Variants in DUSP10 observed in about 807,000 individuals in gnomAD.
DUSP10 encodes dual specificity protein phosphatase 10.
DUSP10 carries 14 observed loss-of-function variants against 30.8 expected under a neutral mutation model. The ratio of observed to expected loss-of-function variants is 0.46; its 90% CI spans 0.30 to 0.71. The LOEUF is 0.71. Among genes scored for constraint, DUSP10 ranks in the 30% least tolerant of loss-of-function variants. The pLI, the probability that DUSP10 is intolerant of heterozygous loss-of-function variation, is 0.08. For synonymous variants in DUSP10, 254 were observed against 250.4 expected (o/e 1.01, Z -0.14); for missense variants, 550 against 619.4 (o/e 0.89, Z 1.19).
At position 221,702,628 on chromosome 1, in the gene DUSP10, C is replaced by T; in HGVS notation, c.1233G>A (p.Gly411=). The change falls in exon 4 of 4, where the codon GGG becomes GGA. Residue 411 remains glycine (G), a synonymous_variant. Transcript: ENST00000366899. This position sits in a 1 kb window ranked among gnomAD's most constrained non-coding sequence, Gnocchi z 4.5. ...GKGLLIHCQA[G]VSRSATIVIA... ...TGACGATGGTGGCGGAGCGGGACAC[C>T]CCAGCCTGGCAGTGGATGAGAAGCC... The T allele has an allele frequency of 1.9e-6, 3 of 1,614,086 alleles. No homozygotes were observed. The highest frequency in any genetic ancestry group is 2.5e-6 in the Non-Finnish European group (3 of 1,180,012).
chr1:221,723,116 CAT>C (rs1184495309), intron 2 of DUSP10, among the ~76,000 whole-genome samples: 2 of 152,162 alleles, frequency 1.3e-5, no homozygotes, highest in African/African-American at 4.8e-5. Context: ...GGGGCCAACA[CAT>C]ATGTTTGTCA....
chr1:221,708,336 G>A (rs571051795), intron 2 of DUSP10, among the ~76,000 whole-genome samples: 7 of 152,244 alleles, frequency 4.6e-5, no homozygotes, highest in South Asian at 2.1e-4. Context: ...AAACCACAGC[G>A]GGAAACTCCA....
At chr1:221,723,290 G>T (rs2102636662) in intron 2 of DUSP10, among the ~76,000 whole-genome samples, 1 of 152,324 alleles carries the variant, frequency 6.6e-6, no homozygotes, top group East Asian at 1.9e-4. Context: ...AGTCTAGAAT[G>T]CAAATGGCCA....
chr1:221,712,469 G>C (rs1310830629), intron 2 of DUSP10, among the ~76,000 whole-genome samples: 1 of 152,088 alleles, frequency 6.6e-6, no homozygotes, highest in African/African-American at 2.4e-5. Flanking sequence ...AAACCAGTGT[G>C]GTCTGGCTTA....
rs1354609569 is a variant in DUSP10 at position 221,739,364 on chromosome 1, TAGAG to T, written c.377_380del (p.Ser126Ter). 6.2e-7 allele frequency: 1 copy of T among 1,613,982 alleles called. No individual in the cohort carries two copies. The highest frequency in any genetic ancestry group is 8.5e-7 in the Non-Finnish European group (1 of 1,179,998). On this transcript the variant is annotated frameshift_variant, in exon 2 of 4. Coordinates refer to ENST00000366899, the MANE Select transcript of DUSP10 (RefSeq NM_007207.6). LOFTEE classifies it high-confidence loss of function. ...GGCTGCCCACCCCACTTGATGGACT[TAGAG>T]AGCCTGTATTCTCATTATTGTTGAC...
intron 2 of DUSP10, among the ~76,000 whole-genome samples, chr1:221,736,313 T>G (rs999123470): frequency 3.3e-5 from 5 of 152,148 alleles, no homozygotes; most frequent in African/African-American, 1.2e-4. Flanking sequence ...TACCCAAGAT[T>G]GTACTGAAAT....
At position 221,706,596 on chromosome 1, in the gene DUSP10, A is replaced by G; in HGVS notation, c.812-130T>C. The G allele has an allele frequency of 1.7e-6, 1 of 603,598 alleles. No individual in the cohort carries two copies. Among genetic ancestry groups the G allele is most frequent in the Non-Finnish European group, 2.5e-6 (1 of 398,612 alleles). 37.4% of individuals were successfully genotyped at this position (603,598 alleles called of 1,614,324 possible). ...AAATACATATATAAATATGTATTTA[A>G]GCAAAAAAAATAAAAATAAAAATAA... On this transcript the variant is annotated intron_variant, in intron 2 of 3. Transcript: ENST00000366899. The surrounding 1 kb of genome is among the most constrained non-coding windows in gnomAD (Gnocchi z 4.6).
intron 2 of DUSP10, among the ~76,000 whole-genome samples, chr1:221,721,222 C>T (rs1661269657): frequency 6.6e-6 from 1 of 152,200 alleles, no homozygotes; most frequent in African/African-American, 2.4e-5. Context: ...TTTTTAGATT[C>T]ATTGAACACT....
intron 2 of DUSP10, among the ~76,000 whole-genome samples, chr1:221,712,857 T>C (rs966158719): frequency 3.3e-5 from 5 of 151,338 alleles, no homozygotes; most frequent in African/African-American, 1.2e-4. Flanking sequence ...GTGTGACTTT[T>C]TGAAAGTTAT....
intron 1 of DUSP10, among the ~76,000 whole-genome samples, chr1:221,741,375 C>A (rs1352693567): frequency 1.3e-5 from 2 of 152,148 alleles, no homozygotes; most frequent in Non-Finnish European, 2.9e-5. Flanking sequence ...TTCACAGAGA[C>A]ACGCGCTGGG....
chr1:221,720,691 C>T (rs1571819785), intron 2 of DUSP10, among the ~76,000 whole-genome samples: 1 of 152,124 alleles, frequency 6.6e-6, no homozygotes, highest in African/African-American at 2.4e-5. Context: ...GGCATAAATC[C>T]ACAGAGGTGT....
intron 2 of DUSP10, among the ~76,000 whole-genome samples, chr1:221,735,002 T>A (rs1293090364): frequency 7.3e-6 from 1 of 137,132 alleles, no homozygotes; most frequent in African/African-American, 2.8e-5. Flanking sequence ...TAGAACTCTA[T>A]TGCCAATAAG....
intron 2 of DUSP10, among the ~76,000 whole-genome samples, chr1:221,711,092 G>C (rs1210359272): frequency 6.6e-6 from 1 of 152,188 alleles, no homozygotes; most frequent in Non-Finnish European, 1.5e-5. Context: ...AATACTGCCT[G>C]CCAGTTTCTT....
At chr1:221,720,875 C>T (rs1477432520) in intron 2 of DUSP10, among the ~76,000 whole-genome samples, 2 of 152,166 alleles carry the variant, frequency 1.3e-5, no homozygotes, top group Non-Finnish European at 2.9e-5. Context: ...GTCTTCAGAA[C>T]ACTTATCGCT....
chr1:221,726,713 A>C (rs997372189), intron 2 of DUSP10, among the ~76,000 whole-genome samples: 2 of 151,852 alleles, frequency 1.3e-5, no homozygotes, highest in South Asian at 2.1e-4. Flanking sequence ...AAAAAAAAAA[A>C]AAAAAACCCT....
At chr1:221,738,560 G>A (rs1192641182) in intron 2 of DUSP10, among the ~76,000 whole-genome samples, 1 of 152,218 alleles carries the variant, frequency 6.6e-6, no homozygotes, top group Admixed American at 6.5e-5. Flanking sequence ...TTAAGTCTGA[G>A]AGACAATAAC....
chr1:221,739,962 A>C (rs1291219750), intron 1 of DUSP10, among the ~76,000 whole-genome samples, 175 bp from the exon 2 acceptor site: 1 of 152,228 alleles, frequency 6.6e-6, no homozygotes, highest in Non-Finnish European at 1.5e-5. Flanking sequence ...AGAGGATGCA[A>C]ACCTGAGGGC....
intron 2 of DUSP10, among the ~76,000 whole-genome samples, chr1:221,733,442 C>T (rs1251557252): frequency 6.6e-6 from 1 of 152,168 alleles, no homozygotes; most frequent in African/African-American, 2.4e-5. Context: ...TTGAACTTGT[C>T]CATGACAAGC....
At chr1:221,714,229 T>C (rs1245818302) in intron 2 of DUSP10, among the ~76,000 whole-genome samples, 17 of 152,184 alleles carry the variant, frequency 1.1e-4, no homozygotes, top group Admixed American at 1.0e-3. Flanking sequence ...GGTATCATAG[T>C]GATACAGGAG....
Sources: gnomAD v4.1 joint callset for allele counts (sites outside exome capture counted in the v4.1 genomes callset) on GRCh38, gnomAD v4.1.1 for gene constraint, Gnocchi (gnomAD v3.1) non-coding constraint, MANE v1.5 for transcripts, NCBI Gene and HGNC (gene_info 2026-07-23, HGNC 2026-07-21) for gene names.